Variants in SLC35F4 observed in about 807,000 individuals in gnomAD.
The protein encoded by SLC35F4 is chromosome 14 open reading frame 36.
A neutral mutation model predicts 44.2 loss-of-function variants in SLC35F4; 24 were observed. That is an observed-to-expected ratio of 0.54 (90% confidence interval 0.39 to 0.76). The LOEUF (loss-of-function observed/expected upper bound fraction) is 0.76. SLC35F4 is among the 30% of genes least tolerant of loss of function. The pLI, the probability that SLC35F4 is intolerant of heterozygous loss-of-function variation, is 0.00. For synonymous variants in SLC35F4, 238 were observed against 223.6 expected (o/e 1.06, Z -0.57); for missense variants, 562 against 586.1 (o/e 0.96, Z 0.42).
At chr14:57,778,744 A>G (rs2077551662) in intron 1 of SLC35F4, among the ~76,000 whole-genome samples, 1 of 125,882 alleles carries the variant, frequency 7.9e-6, no homozygotes, top group Non-Finnish European at 1.8e-5. Context: ...CAGCAAATTA[A>G]AAAAAAAACA....
intron 1 of SLC35F4, among the ~76,000 whole-genome samples, chr14:57,736,406 T>C (rs2076465103): frequency 6.6e-6 from 1 of 152,216 alleles, no homozygotes; most frequent in African/African-American, 2.4e-5. Flanking sequence ...AGCTGTGATA[T>C]GTATTTACTG....
chr14:57,576,050 G>A (rs964326153), intron 4 of SLC35F4, among the ~76,000 whole-genome samples: 1 of 151,194 alleles, frequency 6.6e-6, no homozygotes, highest in African/African-American at 2.4e-5. Context: ...CAAAGGTTTG[G>A]TCCTTCTGTG....
chr14:57,779,665 T>C (rs2077570989), intron 1 of SLC35F4, among the ~76,000 whole-genome samples: 1 of 152,108 alleles, frequency 6.6e-6, no homozygotes, highest in African/African-American at 2.4e-5. Flanking sequence ...TTAATGAACA[T>C]TGATGCAAAA....
upstream of SLC35F4, among the ~76,000 whole-genome samples, chr14:57,868,762 C>A (rs1178196628): frequency 6.6e-6 from 1 of 152,108 alleles, no homozygotes; most frequent in African/African-American, 2.4e-5. Flanking sequence ...CCGTGCCCGG[C>A]GGAAGGAAGG....
At chr14:57,581,924 A>G (rs2069303771) in intron 3 of SLC35F4, among the ~76,000 whole-genome samples, 1 of 152,200 alleles carries the variant, frequency 6.6e-6, no homozygotes. Context: ...CCACTTTCTA[A>G]TATATCTGCC....
At chr14:57,624,338 C>T (rs149419513) in intron 1 of SLC35F4, among the ~76,000 whole-genome samples, 2 of 152,252 alleles carry the variant, frequency 1.3e-5, no homozygotes, top group Middle Eastern at 3.4e-3. Context: ...AGTCCAGGAC[C>T]AGGCGGATTC....
intron 1 of SLC35F4, among the ~76,000 whole-genome samples, chr14:57,797,350 C>T (rs549576010): frequency 6.6e-6 from 1 of 152,240 alleles, no homozygotes; most frequent in South Asian, 2.1e-4. Context: ...TGGATTCCTC[C>T]TGGGAAGTAG....
At chr14:57,821,104 C>G (rs561957854) in intron 1 of SLC35F4, among the ~76,000 whole-genome samples, 1 of 152,324 alleles carries the variant, frequency 6.6e-6, no homozygotes, top group South Asian at 2.1e-4. Context: ...CTGTCATTGT[C>G]GTGTTTTCCT....
chr14:57,975,569 CAG>C (rs1205799367), downstream of SLC35F4, among the ~76,000 whole-genome samples: 1 of 152,132 alleles, frequency 6.6e-6, no homozygotes, highest in Non-Finnish European at 1.5e-5. Context: ...ACTGCTTTGG[CAG>C]AGTGTTAAGG....
chr14:57,953,943 G>A (rs1890189219), intron 1 of SLC35F4, among the ~76,000 whole-genome samples: 1 of 152,168 alleles, frequency 6.6e-6, no homozygotes. Context: ...GACATCTACA[G>A]AACTCTCCAT....
chr14:57,838,468 A>G (rs776140548), intron 1 of SLC35F4, among the ~76,000 whole-genome samples: 3 of 152,196 alleles, frequency 2.0e-5, no homozygotes, highest in Non-Finnish European at 2.9e-5. Flanking sequence ...AAAAAAATAT[A>G]TACAGTCAAA....
At chr14:57,586,539 A>T (rs2069732601) in intron 3 of SLC35F4, among the ~76,000 whole-genome samples, 1 of 151,550 alleles carries the variant, frequency 6.6e-6, no homozygotes, top group Admixed American at 6.6e-5. Flanking sequence ...AACACAGTGA[A>T]ACCCCATCTC....
At chr14:57,795,059 C>G (rs934977212) in intron 1 of SLC35F4, among the ~76,000 whole-genome samples, 1 of 152,060 alleles carries the variant, frequency 6.6e-6, no homozygotes, top group Non-Finnish European at 1.5e-5. Context: ...ATAAAATTAG[C>G]TCCCTTCCTC....
chr14:57,865,054 T>A (rs1888005998), intron 1 of SLC35F4, among the ~76,000 whole-genome samples: 1 of 120,622 alleles, frequency 8.3e-6, no homozygotes. Flanking sequence ...CCTCCCCTTC[T>A]CAGACCCCCC....
intron 1 of SLC35F4, among the ~76,000 whole-genome samples, chr14:57,763,097 TC>T (rs2045515952): frequency 6.6e-6 from 1 of 152,188 alleles, no homozygotes; most frequent in African/African-American, 2.4e-5. Flanking sequence ...CATTTTAGTT[TC>T]CCCAGTTCTC....
At chr14:57,874,342 G>A (rs1256593936) in intron 1 of SLC35F4, among the ~76,000 whole-genome samples, 2 of 152,198 alleles carry the variant, frequency 1.3e-5, no homozygotes, top group African/African-American at 4.8e-5. Flanking sequence ...ACCAAGGTAT[G>A]ACCAGTGCTT....
chr14:57,671,718 G>A (rs941890087), intron 1 of SLC35F4, among the ~76,000 whole-genome samples: 3 of 151,554 alleles, frequency 2.0e-5, no homozygotes, highest in Non-Finnish European at 4.4e-5. Context: ...AAAAGTAAAC[G>A]GAAATGCTTG....
At position 57,839,283 on chromosome 14, in the gene SLC35F4, C is replaced by T. The variant is rs561916356; in HGVS notation, c.103+26440G>A. Among the ~76,000 whole-genome samples, 34 of 152,286 alleles carry T rather than the reference C, an allele frequency of 2.2e-4. No individual in the cohort carries two copies. In the South Asian group the frequency reaches 4.3e-3, roughly 19 times the overall value. On this transcript the variant is annotated intron_variant, in intron 1 of 7. Coordinates refer to ENST00000556826, the MANE Select transcript of SLC35F4 (RefSeq NM_001306087.2). ...CACTCCTTCTTCACTTCTTATCCTT[C>T]GGTTGCTCTTTATGTAATATTGATG...
intron 1 of SLC35F4, among the ~76,000 whole-genome samples, chr14:57,687,522 C>T: frequency 6.6e-6 from 1 of 152,288 alleles, no homozygotes; most frequent in South Asian, 2.1e-4. Flanking sequence ...AGCAAATGAG[C>T]TCTTTTGAAT....
Sources: allele counts gnomAD v4.1 joint callset (sites outside exome capture counted in the v4.1 genomes callset), GRCh38; gene constraint gnomAD v4.1.1; transcripts MANE v1.5; gene names NCBI Gene and HGNC (gene_info 2026-07-23, HGNC 2026-07-21).